Variants in PCDHGB7 observed in about 807,000 individuals in gnomAD.
PCDHGB7 encodes protocadherin gamma-B7.
A neutral mutation model predicts 61.4 loss-of-function variants in PCDHGB7; 37 were observed. The observed-to-expected ratio is 0.60, with a 90% CI of 0.46 to 0.79. The LOEUF (loss-of-function observed/expected upper bound fraction) is 0.79, where lower values mean the gene tolerates loss of function less well. PCDHGB7 is among the 30% of genes least tolerant of loss of function. PCDHGB7 has a pLI of 0.00. For synonymous variants in PCDHGB7, 464 were observed against 503.5 expected, an observed-to-expected ratio of 0.92 and a Z score of 1.05; for missense variants, 1,166 against 1,202.5, an observed-to-expected ratio of 0.97 and a Z score of 0.45.
chr5:141,494,790 C>A lies in PCDHGB7; in HGVS notation c.2416-17C>A, dbSNP rs909145. 17 of 1,614,014 alleles carry A rather than the reference C, an allele frequency of 1.1e-5. 1 individual carries two copies. The South Asian group carries it at 1.9e-4, about 18-fold the overall frequency. ...TCTCACGGGTACTCAGCCCCTTTCC[C>A]TCTGTTTTCTCCACAGCAAGCCCCG... On this transcript the variant is annotated splice_polypyrimidine_tract_variant and intron_variant, in intron 1 of 3. Transcript: ENST00000398594.
chr5:141,501,290 TACACACACACACACACACAC>T (rs55762287), intron 2 of PCDHGB7, among the ~76,000 whole-genome samples: 1 of 136,162 alleles, frequency 7.3e-6, no homozygotes, highest in Non-Finnish European at 1.6e-5. Flanking sequence ...TATTCCCTTA[TACACACACACACACACACAC>T]ACACACACAC....
At chr5:141,459,568 CAG>C (rs930633590) in intron 1 of PCDHGB7, among the ~76,000 whole-genome samples, 1 of 152,152 alleles carries the variant, frequency 6.6e-6, no homozygotes, top group Non-Finnish European at 1.5e-5. Context: ...TACCCCAAAA[CAG>C]AATTGTTTTG....
intron 1 of PCDHGB7, among the ~76,000 whole-genome samples, chr5:141,459,184 G>GC (rs2098963022): frequency 6.6e-6 from 1 of 152,134 alleles, no homozygotes; most frequent in South Asian, 2.1e-4. Flanking sequence ...GTTCCCTCAT[G>GC]CCCCTTTGCA....
chr5:141,449,569 A>G (rs1340921687), intron 1 of PCDHGB7, among the ~76,000 whole-genome samples: 2 of 148,390 alleles, frequency 1.3e-5, no homozygotes, highest in East Asian at 3.9e-4. Flanking sequence ...AGCCTGGGCG[A>G]CAGAGCAAGA....
chr5:141,494,556 T>C (rs909822734), intron 1 of PCDHGB7, among the ~76,000 whole-genome samples: 18 of 152,120 alleles, frequency 1.2e-4, no homozygotes, highest in African/African-American at 4.3e-4. Context: ...GCCATTTCTT[T>C]AGGAAAGGAG....
intron 1 of PCDHGB7, chr5:141,478,148 C>A: frequency 6.2e-7 from 1 of 1,614,066 alleles, no homozygotes; most frequent in Non-Finnish European, 8.5e-7. Flanking sequence ...AGCCGAGTTC[C>A]CCTCTGGCTC....
At chr5:141,483,980 G>A (rs1379963326) in intron 1 of PCDHGB7, among the ~76,000 whole-genome samples, 4 of 148,294 alleles carry the variant, frequency 2.7e-5, no homozygotes, top group Non-Finnish European at 5.9e-5. Flanking sequence ...CAAGGGAGTA[G>A]CTAGGTTGCT....
In PCDHGB7 at chr5:141,420,046, A is replaced by G. The variant is rs772981030; in HGVS notation, c.2187A>G (p.Ser729=). The G allele has an allele frequency of 3.7e-6, 6 of 1,614,048 alleles. No homozygotes were observed. The highest frequency in any genetic ancestry group is 1.1e-5 in the South Asian group (1 of 91,088). The change falls in exon 1 of 4, where the codon TCA becomes TCG. Residue 729 remains serine, a synonymous_variant. Coordinates refer to ENST00000398594, the MANE Select transcript of PCDHGB7 (RefSeq NM_018927.4). ...CTACTGCAGGAGACTGCTTTGAGTC[A>G]GTTCTCTGCTCCAAGTCCGGACCTG... The part of the protein sequence containing the change: ...FSPTAGDCFE[S]VLCSKSGPVG...
At chr5:141,495,960 C>G (rs1380397345) in intron 2 of PCDHGB7, among the ~76,000 whole-genome samples, 2 of 151,998 alleles carry the variant, frequency 1.3e-5, no homozygotes, top group East Asian at 3.9e-4. Context: ...CTTTTTCTGC[C>G]TCTTTCTCTG....
rs755163825 is a variant in PCDHGB7, at chr5:141,491,048, C to A, written c.2416-3759C>A. 6.2e-6 allele frequency: 10 copies of A among 1,613,948 alleles called. No individual in the cohort carries two copies. Among genetic ancestry groups the A allele is most frequent in the Non-Finnish European group, 7.6e-6 (9 of 1,179,960 alleles). ...GTGGATGCTGATGCAGGCCACAATG[C>A]GTGGCTCTCCTACTCACTGTTGCCA... On this transcript the variant is annotated intron_variant, in intron 1 of 3. Coordinates refer to ENST00000398594, the MANE Select transcript of PCDHGB7 (RefSeq NM_018927.4). The surrounding 1 kb of genome is among the most constrained non-coding windows in gnomAD (Gnocchi z 6.9).
At chr5:141,422,100 A>G (rs1019775470) in intron 1 of PCDHGB7, 2 of 1,609,786 alleles carry the variant, frequency 1.2e-6, no homozygotes, top group Non-Finnish European at 1.7e-6. Context: ...AGGCTTCTGA[A>G]ATATTCCAAT....
intron 2 of PCDHGB7, among the ~76,000 whole-genome samples, chr5:141,495,119 C>T (rs1024197360): frequency 3.9e-5 from 6 of 152,182 alleles, no homozygotes; most frequent in African/African-American, 1.4e-4. Context: ...CTTTTCCTAT[C>T]CCCTGAGGGC....
At chr5:141,506,191 C>T (rs932500250) in intron 3 of PCDHGB7, among the ~76,000 whole-genome samples, 8 of 152,182 alleles carry the variant, frequency 5.3e-5, no homozygotes, top group African/African-American at 1.9e-4. Flanking sequence ...TGGCTCACGC[C>T]TGTAATCCCA....
intron 1 of PCDHGB7, among the ~76,000 whole-genome samples, chr5:141,472,980 C>CA (rs60579131): frequency 0.042 from 3,623 of 85,966 alleles, 71 homozygotes; most frequent in South Asian, 0.079. Context: ...GAGTGAAACT[C>CA]AAAAAAAAAA....
At chr5:141,464,916 T>C (rs1298310554) in intron 1 of PCDHGB7, among the ~76,000 whole-genome samples, 1 of 152,024 alleles carries the variant, frequency 6.6e-6, no homozygotes, top group Non-Finnish European at 1.5e-5. Flanking sequence ...TTTTTTTATT[T>C]TTTTGTAGAG....
intron 1 of PCDHGB7, among the ~76,000 whole-genome samples, chr5:141,456,857 G>A (rs957526443): frequency 6.6e-5 from 10 of 152,234 alleles, no homozygotes; most frequent in African/African-American, 2.4e-4. Context: ...CAGCTAATTG[G>A]GAGGCTGAGG....
intron 1 of PCDHGB7, among the ~76,000 whole-genome samples, chr5:141,444,735 C>A (rs924159168): frequency 1.3e-5 from 2 of 152,116 alleles, no homozygotes; most frequent in Admixed American, 1.3e-4. Context: ...TGTTGAAAGT[C>A]ATTTCACTGA....
Position 141,476,024 on chromosome 5 carries a change from C to T in PCDHGB7, c.2416-18783C>T. ...ATCCAGAAAGCCATGTCGGACTCGG[C>T]GCCCAGCGCCCAAGCGCTAACCCGC... On this transcript the variant is annotated intron_variant, in intron 1 of 3. Coordinates refer to ENST00000398594, the MANE Select transcript of PCDHGB7 (RefSeq NM_018927.4). The surrounding 1 kb of genome is among the most constrained non-coding windows in gnomAD (Gnocchi z 7.6). The T allele has an allele frequency of 1.4e-6, 2 of 1,416,548 alleles. No individual in the cohort carries two copies. Among genetic ancestry groups the T allele is most frequent in the Non-Finnish European group, 9.5e-7 (1 of 1,058,066 alleles). 87.7% of individuals were successfully genotyped at this position (1,416,548 alleles called of 1,614,324 possible).
chr5:141,475,248 C>T (rs1400887912), intron 1 of PCDHGB7, among the ~76,000 whole-genome samples: 2 of 152,166 alleles, frequency 1.3e-5, no homozygotes, highest in African/African-American at 4.8e-5. Context: ...AGAGTGTGCT[C>T]TACAACTGAG....
Sources: gnomAD v4.1 joint callset for allele counts (sites outside exome capture counted in the v4.1 genomes callset) on GRCh38, gnomAD v4.1.1 for gene constraint, Gnocchi (gnomAD v3.1) non-coding constraint, MANE v1.5 for transcripts, NCBI Gene and HGNC (gene_info 2026-07-23, HGNC 2026-07-21) for gene names.